The following CSMD3 variants were observed in gnomAD, a reference collection of about 807,000 sequenced individuals.
CSMD3 encodes the protein CUB and Sushi multiple domains 3.
Under a neutral mutation model 435.2 loss-of-function variants are expected in CSMD3, and 177 were observed. That is an observed-to-expected ratio of 0.41 (90% confidence interval 0.36 to 0.46). The LOEUF (loss-of-function observed/expected upper bound fraction) is 0.46, where lower values mean the gene tolerates loss of function less well. Among genes scored for constraint, CSMD3 ranks in the 20% least tolerant of loss-of-function variants. CSMD3 has a pLI of 0.34. For synonymous variants in CSMD3, 1,656 were observed against 1,520.5 expected (o/e 1.09, Z -2.07); for missense variants, 4,265 against 4,504.6 (o/e 0.95, Z 1.52).
chr8:112,738,972 T>G (rs906656884), intron 13 of CSMD3, among the ~76,000 whole-genome samples: 1 of 151,824 alleles, frequency 6.6e-6, no homozygotes, highest in African/African-American at 2.4e-5. Flanking sequence ...CATTATTCAC[T>G]TACTGAATAT....
chr8:112,340,907 C>T (rs73700635), intron 42 of CSMD3, among the ~76,000 whole-genome samples: 6,068 of 152,120 alleles, frequency 0.04, 398 homozygotes, highest in African/African-American at 0.14. Context: ...ACATTTGAGC[C>T]TAGCTCTACT....
At chr8:113,347,668 C>T (rs2094161115) in intron 1 of CSMD3, among the ~76,000 whole-genome samples, 2 of 152,078 alleles carry the variant, frequency 1.3e-5, no homozygotes, top group South Asian at 2.1e-4. Context: ...GGCTTTCACA[C>T]AGCTGTAGGT....
intron 32 of CSMD3, among the ~76,000 whole-genome samples, chr8:112,458,389 A>C (rs754161148): frequency 4.3e-4 from 66 of 152,002 alleles, no homozygotes; most frequent in Non-Finnish European, 9.1e-4. Context: ...ACCCTCCCAA[A>C]GTCTTGGGTA....
In CSMD3 at chr8:112,237,292, C is replaced by T. The variant is rs2129992200; in HGVS notation, c.10525G>A (p.Gly3509Arg). 1 of 1,613,334 alleles carries T rather than the reference C, an allele frequency of 6.2e-7. No individual in the cohort carries two copies. Among genetic ancestry groups the T allele is most frequent in the Non-Finnish European group, 8.5e-7 (1 of 1,179,468 alleles). ...GTTAAGGTCATGGGTTGTTTCCTTC[C>T]TTTGAAATTGTAAGAGCCTTTCCAT... Reference protein sequence around the residue: ...YIWKGSYNFKGRKQPMTLTVT... With the variant: ...YIWKGSYNFKRRKQPMTLTVT... The change falls in exon 67 of 71, where the codon GGA becomes AGA. Residue 3509 changes from glycine to arginine, a missense_variant. Transcript: ENST00000297405.
At chr8:113,382,831 A>T (rs1053017594) in intron 1 of CSMD3, among the ~76,000 whole-genome samples, 1 of 151,996 alleles carries the variant, frequency 6.6e-6, no homozygotes, top group Non-Finnish European at 1.5e-5. Flanking sequence ...AAATACAAAA[A>T]TTAGCCAGAT....
chr8:112,488,391 T>C (rs555972039), intron 31 of CSMD3, among the ~76,000 whole-genome samples: 4 of 152,132 alleles, frequency 2.6e-5, no homozygotes, highest in African/African-American at 9.7e-5. Context: ...TAAGGCAACA[T>C]TATAAGAAAA....
At chr8:112,752,132 G>A (rs2077584630) in intron 13 of CSMD3, among the ~76,000 whole-genome samples, 1 of 152,084 alleles carries the variant, frequency 6.6e-6, no homozygotes, top group African/African-American at 2.4e-5. Context: ...CTTATCTTGT[G>A]GCCCTAACAC....
At chr8:112,547,272 T>C (rs1437802241) in intron 27 of CSMD3, among the ~76,000 whole-genome samples, 2 of 152,114 alleles carry the variant, frequency 1.3e-5, no homozygotes, top group Non-Finnish European at 2.9e-5. Context: ...GTGTTTTATA[T>C]AGACATTTTA....
intron 22 of CSMD3, among the ~76,000 whole-genome samples, chr8:112,611,896 T>C (rs192087272): frequency 2.6e-5 from 4 of 152,322 alleles, no homozygotes; most frequent in Admixed American, 2.6e-4. Flanking sequence ...TATTACATTT[T>C]AAACCATTGA....
At chr8:113,406,185 T>C (rs557964497) in intron 1 of CSMD3, among the ~76,000 whole-genome samples, 42 of 151,980 alleles carry the variant, frequency 2.8e-4, no homozygotes, top group Middle Eastern at 6.8e-3. Flanking sequence ...TTTGCAAATA[T>C]TTATTGGACA....
chr8:112,498,508 G>T (rs1219637581), intron 30 of CSMD3, among the ~76,000 whole-genome samples: 2 of 152,072 alleles, frequency 1.3e-5, no homozygotes, highest in African/African-American at 4.8e-5. Flanking sequence ...GCTACATGGT[G>T]TGTTACCTAG....
In CSMD3 at chr8:112,337,643, T is replaced by C. The variant is rs1276436752; in HGVS notation, c.6741A>G (p.Ser2247=). 4 of 1,613,332 alleles carry C rather than the reference T, an allele frequency of 2.5e-6. No individual in the cohort carries two copies. Among genetic ancestry groups the C allele is most frequent in the Non-Finnish European group, 3.4e-6 (4 of 1,179,314 alleles). The stretch of plus-strand genomic sequence containing the variant: ...ATGTGTATCCTGGGAAACATTCAAA[T>C]GAAATGGTTTGACCCACAGTAAAAT... ...GNDFTVGQTI[S]FECFPGYTLI... is the part of the protein sequence containing the mutation. Residue 2247 remains serine, a synonymous_variant, in exon 43 of 71, where the codon TCA becomes TCG. Coordinates refer to ENST00000297405, the MANE Select transcript of CSMD3 (RefSeq NM_198123.2).
chr8:112,646,854 C>T (rs558484285), intron 19 of CSMD3, among the ~76,000 whole-genome samples: 220 of 151,972 alleles, frequency 1.4e-3, no homozygotes, highest in African/African-American at 5.2e-3. Flanking sequence ...TAAGATGAAA[C>T]TAAAAACATG....
At chr8:112,382,124 A>G (rs1829517351) in intron 37 of CSMD3, among the ~76,000 whole-genome samples, 1 of 151,974 alleles carries the variant, frequency 6.6e-6, no homozygotes, top group African/African-American at 2.4e-5. Context: ...AAAAAATAAA[A>G]TAAAATAAAA....
intron 1 of CSMD3, among the ~76,000 whole-genome samples, chr8:113,337,519 C>T (rs1295215733): frequency 6.6e-6 from 1 of 152,056 alleles, no homozygotes; most frequent in African/African-American, 2.4e-5. Context: ...ATATAGCTAA[C>T]ATTATTAAAA....
At chr8:112,418,404 T>C (rs1812138415) in intron 32 of CSMD3, among the ~76,000 whole-genome samples, 1 of 152,148 alleles carries the variant, frequency 6.6e-6, no homozygotes, top group Non-Finnish European at 1.5e-5. Flanking sequence ...AATGCTTCCC[T>C]TTTAAATCAG....
At position 112,408,834 on chromosome 8, in the gene CSMD3, A is replaced by T. The variant is rs1832081653; in HGVS notation, c.5509+85T>A. 4 of 1,603,822 alleles carry T rather than the reference A, an allele frequency of 2.5e-6. No individual in the cohort carries two copies. The African/African-American group carries it at 4.0e-5, about 16-fold the overall frequency. On this transcript the variant is annotated intron_variant, in intron 33 of 70. Transcript: ENST00000297405. ...GTTTGCTTTATTTCTTATATTGATG[A>T]TATAAATCTCAACTTTCACTACAAT...
intron 11 of CSMD3, among the ~76,000 whole-genome samples, chr8:112,848,730 A>T (rs984029098): frequency 6.6e-6 from 1 of 152,058 alleles, no homozygotes; most frequent in Non-Finnish European, 1.5e-5. Context: ...AGATGAGAAA[A>T]CTGAGATTCA....
At chr8:113,329,136 G>A (rs1356816057) in intron 1 of CSMD3, among the ~76,000 whole-genome samples, 6 of 151,220 alleles carry the variant, frequency 4.0e-5, no homozygotes, top group African/African-American at 9.7e-5. Context: ...AACTATTTTC[G>A]AAGTTCAGAA....
Sources: gnomAD v4.1 joint callset for allele counts (sites outside exome capture counted in the v4.1 genomes callset) on GRCh38, gnomAD v4.1.1 for gene constraint, MANE v1.5 for transcripts, NCBI Gene and HGNC (gene_info 2026-07-23, HGNC 2026-07-21) for gene names.